ARID1B: variants seen among roughly 807,000 people sequenced by gnomAD.
ARID1B encodes the protein AT-rich interactive domain-containing protein 1B.
ARID1B carries 30 observed loss-of-function variants against 212.3 expected under a neutral mutation model. The ratio of observed to expected loss-of-function variants is 0.14; its 90% CI spans 0.11 to 0.19. The LOEUF is 0.19. ARID1B is among the 10% of genes least tolerant of loss of function. The pLI is 1.00. For missense variants in ARID1B, 2,891 were observed against 3,204.0 expected (o/e 0.90, Z 2.36); for synonymous variants, 1,402 against 1,301.7 (o/e 1.08, Z -1.66).
chr6:157,123,105 A>G (rs991815299), intron 6 of ARID1B, among the ~76,000 whole-genome samples: 5 of 152,114 alleles, frequency 3.3e-5, no homozygotes, highest in African/African-American at 7.2e-5. Flanking sequence ...TTGAGATCCC[A>G]TGGTAACCAG....
At position 156,871,738 on chromosome 6, in the gene ARID1B, T is replaced by A. The variant is rs972339195; in HGVS notation, c.1987-29638T>A. ...GGGGCAGCTGGCACATCTGTGTTGT[T>A]CCCCTCCTGCAGGAACAGGGGCTTC... On this transcript the variant is annotated intron_variant, in intron 2 of 19. Transcript: ENST00000636930. 3 of 1,484,226 alleles carry A rather than the reference T, an allele frequency of 2.0e-6. No individual in the cohort carries two copies. In the African/African-American group the frequency reaches 4.2e-5, roughly 21 times the overall value. The allele number at this position is 1,484,226 out of a possible 1,614,324, so 91.9% of individuals were successfully genotyped here.
At chr6:156,963,085 A>G (rs1040628730) in intron 4 of ARID1B, among the ~76,000 whole-genome samples, 1 of 152,086 alleles carries the variant, frequency 6.6e-6, no homozygotes, top group Non-Finnish European at 1.5e-5. Flanking sequence ...CCCGGCCTCA[A>G]TTTCTTTAGA....
At chr6:156,835,062 C>A (rs764577856) in intron 2 of ARID1B, among the ~76,000 whole-genome samples, 1 of 151,852 alleles carries the variant, frequency 6.6e-6, no homozygotes, top group Non-Finnish European at 1.5e-5. Flanking sequence ...CACAGTGAAA[C>A]CTTGTCTCTA....
intron 2 of ARID1B, among the ~76,000 whole-genome samples, chr6:156,889,285 G>A (rs1315469656): frequency 6.6e-6 from 1 of 152,098 alleles, no homozygotes; most frequent in Non-Finnish European, 1.5e-5. Context: ...TTTTCCTGTT[G>A]TTCTTCTATT....
rs368199313 is a variant in ARID1B, at chr6:156,863,664, T to C, written c.1986+34243T>C. Reference sequence around the variant, plus strand: ...TTTATAGATGGGGAACCTGAAGAAATTAAAATGCTGACTTTCCAAAAGTAT... The same window carrying C: ...TTTATAGATGGGGAACCTGAAGAAACTAAAATGCTGACTTTCCAAAAGTAT... On this transcript the variant is annotated intron_variant, in intron 2 of 19. Transcript: ENST00000636930. Among the ~76,000 whole-genome samples the C allele has an allele frequency of 3.3e-4, 50 of 152,200 alleles. No individual in the cohort carries two copies. In the South Asian group the frequency reaches 7.5e-3, roughly 23 times the overall value.
chr6:157,098,511 T>C (rs1245912603), intron 5 of ARID1B, among the ~76,000 whole-genome samples: 1 of 152,216 alleles, frequency 6.6e-6, no homozygotes, highest in Non-Finnish European at 1.5e-5. Context: ...TGCCAGATTT[T>C]CAGCATGGTA....
chr6:156,996,535 C>T (rs904396017), intron 4 of ARID1B, among the ~76,000 whole-genome samples: 7 of 152,088 alleles, frequency 4.6e-5, no homozygotes, highest in African/African-American at 9.7e-5. Context: ...AATATATACC[C>T]TCAATGCATT....
At chr6:157,008,879 G>C (rs1008826724) in intron 4 of ARID1B, among the ~76,000 whole-genome samples, 1 of 152,114 alleles carries the variant, frequency 6.6e-6, no homozygotes, top group Admixed American at 6.5e-5. Flanking sequence ...TCAGTTTGAC[G>C]CTAGCACACC....
chr6:157,191,872 G>A (rs1171023462), intron 15 of ARID1B, among the ~76,000 whole-genome samples: 1 of 152,136 alleles, frequency 6.6e-6, no homozygotes, highest in Non-Finnish European at 1.5e-5. Context: ...TGATAATATT[G>A]TCTGAGTGGA....
intron 5 of ARID1B, among the ~76,000 whole-genome samples, chr6:157,086,124 T>C (rs556151750): frequency 6.6e-6 from 1 of 152,344 alleles, no homozygotes; most frequent in South Asian, 2.1e-4. Flanking sequence ...ACAATTACAG[T>C]AGGATAGCGG....
intron 3 of ARID1B, among the ~76,000 whole-genome samples, chr6:156,903,537 C>T (rs748743519): frequency 4.6e-5 from 7 of 152,148 alleles, no homozygotes; most frequent in Non-Finnish European, 1.0e-4. Context: ...TTGACAGGAA[C>T]AGTCCTGGAT....
intron 8 of ARID1B, chr6:157,152,133 A>G (rs1029048268): frequency 4.6e-5 from 7 of 152,236 alleles, no homozygotes; most frequent in African/African-American, 1.4e-4. Context: ...GGAAGCAAGC[A>G]TTCATCATCT....
rs551903442 is a variant in ARID1B at position 157,186,953 on chromosome 6, G to A, written c.3919+2518G>A. Among the ~76,000 whole-genome samples the A allele has an allele frequency of 1.1e-4, 17 of 152,266 alleles. No homozygotes were observed. The South Asian group carries it at 3.5e-3, about 32-fold the overall frequency. On this transcript the variant is annotated intron_variant, in intron 13 of 19. Transcript: ENST00000636930. ...GCCTCTGGGAGGCATAAGCCCCTTGGCCCCTGGGGCTGCACCCCACATATC... is the reference window on the plus strand; with the variant it reads ...GCCTCTGGGAGGCATAAGCCCCTTGACCCCTGGGGCTGCACCCCACATATC...
At chr6:156,860,070 A>G (rs932829922) in intron 2 of ARID1B, among the ~76,000 whole-genome samples, 3 of 152,370 alleles carry the variant, frequency 2.0e-5, no homozygotes, top group East Asian at 3.9e-4. Context: ...TTGTTAGTGG[A>G]TAAGTCCATT....
intron 6 of ARID1B, among the ~76,000 whole-genome samples, chr6:157,112,968 CT>C (rs1189763669): frequency 6.7e-6 from 1 of 149,640 alleles, no homozygotes; most frequent in Non-Finnish European, 1.5e-5. Flanking sequence ...GTTGCCCAGG[CT>C]GGAGTGCAAT....
chr6:157,048,750 T>G (rs1413502708), intron 4 of ARID1B, among the ~76,000 whole-genome samples: 1 of 152,236 alleles, frequency 6.6e-6, no homozygotes. Context: ...TCGGCTGGTG[T>G]CTTGATTACG....
chr6:156,841,322 A>G (rs34281679), intron 2 of ARID1B, among the ~76,000 whole-genome samples: 8,572 of 152,264 alleles, frequency 0.056, 317 homozygotes, highest in South Asian at 0.13. Context: ...GGTCATGGCT[A>G]CGGCTGGAAT....
chr6:157,141,748 A>G (rs1297238469), intron 7 of ARID1B, among the ~76,000 whole-genome samples: 1 of 152,234 alleles, frequency 6.6e-6, no homozygotes. Context: ...GTTGATTTCT[A>G]TTACATACTG....
chr6:157,174,050 A>C lies in ARID1B; in HGVS notation c.3278A>C (p.Lys1093Thr). The change falls in exon 10 of 20, where the codon AAA (lysine) becomes ACA (threonine). Residue 1093 changes from lysine (K) to threonine (T), a missense_variant. Coordinates refer to ENST00000636930, the MANE Select transcript of ARID1B (RefSeq NM_001374828.1). ...GATATGATGTCTCCTGGTGAATCCA[A>C]ACTGCCCCTGCCTCTCAAAGCAGAC... Reference protein sequence around the residue: ...LADMMSPGESKLPLPLKADGK... With the variant: ...LADMMSPGESTLPLPLKADGK... 6.2e-7 allele frequency: 1 copy of C among 1,614,090 alleles called. No homozygotes were observed. The highest frequency in any genetic ancestry group is 8.5e-7 in the Non-Finnish European group (1 of 1,180,004).
Sources: allele counts gnomAD v4.1 joint callset (sites outside exome capture counted in the v4.1 genomes callset), GRCh38; gene constraint gnomAD v4.1.1; transcripts MANE v1.5; gene names NCBI Gene and HGNC (gene_info 2026-07-23, HGNC 2026-07-21).